Variants in RC3H2 observed in about 807,000 individuals in gnomAD.
RC3H2 encodes the protein roquin-2.
RC3H2 carries 31 observed loss-of-function variants against 133.3 expected under a neutral mutation model. The observed-to-expected ratio is 0.23, with a 90% CI of 0.17 to 0.31. The LOEUF (loss-of-function observed/expected upper bound fraction) is 0.31. Among genes scored for constraint, RC3H2 ranks in the 10% least tolerant of loss-of-function variants. RC3H2 has a pLI of 1.00. For missense variants in RC3H2, 1,175 were observed against 1,437.2 expected (o/e 0.82, Z 2.95); for synonymous variants, 517 against 502.2 (o/e 1.03, Z -0.40).
chr9:122,891,283 A>C (rs756322470), intron 3 of RC3H2, among the ~76,000 whole-genome samples: 10 of 152,086 alleles, frequency 6.6e-5, no homozygotes, highest in Non-Finnish European at 1.3e-4. Context: ...TCGGCCTCTC[A>C]AAGTGCTGGA....
intron 1 of RC3H2, among the ~76,000 whole-genome samples, chr9:122,903,675 C>G (rs779209301): frequency 2.0e-5 from 3 of 152,138 alleles, no homozygotes; most frequent in African/African-American, 7.2e-5. Flanking sequence ...TTTTTCTAAA[C>G]GTAACTAGAA....
intron 13 of RC3H2, among the ~76,000 whole-genome samples, 156 bp from the exon 14 acceptor site, chr9:122,856,034 A>G (rs192432972): frequency 1.3e-3 from 197 of 152,336 alleles, no homozygotes; most frequent in Non-Finnish European, 1.6e-3. Flanking sequence ...TAAGCAAGAA[A>G]TGGTATTTTT....
chr9:122,869,967 G>A (rs966472981), intron 9 of RC3H2, among the ~76,000 whole-genome samples: 3 of 152,180 alleles, frequency 2.0e-5, no homozygotes. Context: ...GTTGTCTGGA[G>A]GGGCCCAAAG....
intron 1 of RC3H2, among the ~76,000 whole-genome samples, chr9:122,904,077 G>A (rs1277002190): frequency 6.6e-6 from 1 of 152,030 alleles, no homozygotes; most frequent in East Asian, 1.9e-4. Flanking sequence ...AGTTCCTACT[G>A]GAACTTAAAA....
intron 9 of RC3H2, among the ~76,000 whole-genome samples, chr9:122,866,389 CCCACGGTCTCCCTCTCCCCACGG>C (rs1830663757): frequency 7.7e-6 from 1 of 130,540 alleles, no homozygotes; most frequent in African/African-American, 2.9e-5. Flanking sequence ...CCTCCCTCTC[CCCACGGTCTCCCTCTCCCCACGG>C]TCTCCCTCTC....
intron 9 of RC3H2, among the ~76,000 whole-genome samples, chr9:122,873,049 T>A (rs1831166327): frequency 6.6e-6 from 1 of 152,240 alleles, no homozygotes; most frequent in African/African-American, 2.4e-5. Context: ...ATATGTATTC[T>A]AAGAAGGGAT....
chr9:122,860,410 T>C (rs1393784437), intron 10 of RC3H2, among the ~76,000 whole-genome samples: 1 of 146,832 alleles, frequency 6.8e-6, no homozygotes, highest in Non-Finnish European at 1.5e-5. Context: ...CCATTCTTTT[T>C]TTTTTTTTTT....
At chr9:122,854,396 A>T in intron 16 of RC3H2, 130 bp from the exon 17 acceptor site, 1 of 1,179,826 alleles carries the variant, frequency 8.5e-7, no homozygotes, top group Non-Finnish European at 1.2e-6. Context: ...TTAAATGCAA[A>T]TATTTTTCAG....
intron 18 of RC3H2, 199 bp from the exon 19 acceptor site, chr9:122,851,635 T>C: frequency 1.1e-5 from 7 of 655,616 alleles, no homozygotes; most frequent in Non-Finnish European, 1.7e-5. Flanking sequence ...TGCCTGCAAT[T>C]GCAGGCGCGC....
chr9:122,885,105 T>A (rs1421420041), intron 4 of RC3H2, among the ~76,000 whole-genome samples: 1 of 152,156 alleles, frequency 6.6e-6, no homozygotes. Context: ...CTGTATTGTA[T>A]CATTAATTTT....
chr9:122,901,928 CTTTTTT>C (rs542589870), intron 1 of RC3H2, among the ~76,000 whole-genome samples: 1 of 116,858 alleles, frequency 8.6e-6, no homozygotes, highest in South Asian at 2.8e-4. Flanking sequence ...ATAACTACTT[CTTTTTT>C]TTTTTTTTTT....
intron 10 of RC3H2, among the ~76,000 whole-genome samples, chr9:122,861,808 ATG>A (rs1830466445): frequency 6.6e-6 from 1 of 152,352 alleles, no homozygotes; most frequent in East Asian, 1.9e-4. Context: ...GTTTACTTCT[ATG>A]TGTAACTGTA....
chr9:122,886,234 T>A (rs895951060), intron 4 of RC3H2, among the ~76,000 whole-genome samples: 1 of 152,190 alleles, frequency 6.6e-6, no homozygotes, highest in Non-Finnish European at 1.5e-5. Context: ...CATGTATCAG[T>A]ATTTATTCCT....
At chr9:122,900,015 A>G (rs1832594902) in intron 1 of RC3H2, among the ~76,000 whole-genome samples, 2 of 152,196 alleles carry the variant, frequency 1.3e-5, no homozygotes, top group South Asian at 4.1e-4. Context: ...ACCATACAGA[A>G]AAATGCTATC....
In RC3H2 at chr9:122,886,233, GTATT is replaced by G. The variant is rs1831907588; in HGVS notation, c.584-2858_584-2855del. On this transcript the variant is annotated intron_variant, in intron 4 of 20. Coordinates refer to ENST00000357244, the MANE Select transcript of RC3H2 (RefSeq NM_001100588.3). Reference sequence around the variant, plus strand: ...GCTCATCCACATGCAGCATGTATCAGTATTTATTCCTTTTATGGCTGAGGAATAG... The same window carrying G: ...GCTCATCCACATGCAGCATGTATCAGTATTCCTTTTATGGCTGAGGAATAG... Among the ~76,000 whole-genome samples the G allele has an allele frequency of 5.9e-5, 9 of 152,206 alleles. No individual in the cohort carries two copies. The South Asian group carries it at 1.7e-3, about 28-fold the overall frequency.
chr9:122,885,687 C>G (rs1306671031), intron 4 of RC3H2, among the ~76,000 whole-genome samples: 1 of 151,996 alleles, frequency 6.6e-6, no homozygotes, highest in Non-Finnish European at 1.5e-5. Context: ...CCATTTTAAC[C>G]ACATAATTCA....
intron 15 of RC3H2, 72 bp from the exon 16 acceptor site, chr9:122,854,687 T>C: frequency 1.1e-6 from 1 of 944,122 alleles, no homozygotes; most frequent in Non-Finnish European, 1.7e-6. Flanking sequence ...TGTATACTTC[T>C]CAAAATAGAT....
chr9:122,859,871 G>T (rs756856112), intron 11 of RC3H2, 46 bp downstream of exon 11: 1 of 1,415,024 alleles, frequency 7.1e-7, no homozygotes, highest in South Asian at 1.2e-5. Flanking sequence ...TTTATCTAAA[G>T]GAAACAATGT....
rs1348950086 is a variant in RC3H2 at position 122,905,091 on chromosome 9, G to A, written c.-68+19C>T. The A allele has an allele frequency of 1.0e-5, 10 of 985,366 alleles. No homozygotes were observed. Among genetic ancestry groups the A allele is most frequent in the Non-Finnish European group, 1.2e-5 (10 of 829,900 alleles). The allele number at this position is 985,366 out of a possible 1,614,324, so 61.0% of individuals were successfully genotyped here. A position where few individuals can be genotyped will look rare whatever the true frequency, so the allele number is the denominator to read the frequency against. ...CCCGGGCTGGGGCCCGAGCCGCATC[G>A]TGCCCGCCCCCGCCCTACCTGAGGG... On this transcript the variant is annotated intron_variant, in intron 1 of 20. Coordinates refer to ENST00000357244, the MANE Select transcript of RC3H2 (RefSeq NM_001100588.3).
Sources: allele counts gnomAD v4.1 joint callset (sites outside exome capture counted in the v4.1 genomes callset), GRCh38; gene constraint gnomAD v4.1.1; transcripts MANE v1.5; gene names NCBI Gene and HGNC (gene_info 2026-07-23, HGNC 2026-07-21).